TNFRSF21: variants seen among roughly 807,000 people sequenced by gnomAD.
TNFRSF21 encodes TNF receptor superfamily member 21.
A neutral mutation model predicts 45.6 loss-of-function variants in TNFRSF21; 19 were observed. The ratio of observed to expected loss-of-function variants is 0.42; its 90% CI spans 0.29 to 0.61. The LOEUF is 0.61. TNFRSF21 is among the 20% of genes least tolerant of loss of function. The probability of loss-of-function intolerance (pLI) is 0.23; values close to 1 mark genes in which losing one functional copy is unlikely to be tolerated. For missense variants in TNFRSF21, 737 were observed against 851.5 expected (o/e 0.87, Z 1.67); for synonymous variants, 314 against 335.5 (o/e 0.94, Z 0.70).
chr6:47,266,779 G>A (rs190740006), intron 3 of TNFRSF21, among the ~76,000 whole-genome samples: 1 of 152,322 alleles, frequency 6.6e-6, no homozygotes, highest in Admixed American at 6.5e-5. Context: ...GATGAAAAGA[G>A]ACATTATAAA....
At chr6:47,256,388 G>A (rs1166160633) in intron 3 of TNFRSF21, among the ~76,000 whole-genome samples, 1 of 152,208 alleles carries the variant, frequency 6.6e-6, no homozygotes, top group Non-Finnish European at 1.5e-5. Flanking sequence ...GCTGGGTGTG[G>A]TGGCATAGGC....
intron 3 of TNFRSF21, among the ~76,000 whole-genome samples, chr6:47,282,412 CAG>C (rs976263989): frequency 3.3e-5 from 5 of 149,932 alleles, no homozygotes; most frequent in African/African-American, 1.2e-4. Context: ...AAAAAACCCT[CAG>C]AAAGTTTATG....
At chr6:47,307,652 G>C (rs137952832) in intron 1 of TNFRSF21, among the ~76,000 whole-genome samples, 36 of 152,284 alleles carry the variant, frequency 2.4e-4, no homozygotes, top group Non-Finnish European at 4.6e-4. Flanking sequence ...GGGATTACAG[G>C]CATAAGCCAG....
At chr6:47,279,048 T>G (rs780928923) in intron 3 of TNFRSF21, among the ~76,000 whole-genome samples, 1 of 152,200 alleles carries the variant, frequency 6.6e-6, no homozygotes, top group Non-Finnish European at 1.5e-5. Context: ...GGAAATATGA[T>G]CCAAGCCAGA....
intron 3 of TNFRSF21, among the ~76,000 whole-genome samples, chr6:47,269,131 C>G (rs528593329): frequency 1.1e-4 from 17 of 152,116 alleles, no homozygotes; most frequent in Non-Finnish European, 2.4e-4. Flanking sequence ...TGTGCCTCAG[C>G]TTCATCTTCT....
chr6:47,235,606 C>T (rs1363417305), intron 4 of TNFRSF21, among the ~76,000 whole-genome samples: 1 of 152,196 alleles, frequency 6.6e-6, no homozygotes, highest in Non-Finnish European at 1.5e-5. Context: ...CTGACTCTTA[C>T]ACTCAGCTTC....
rs368982565 is a variant in TNFRSF21 at position 47,253,412 on chromosome 6, C to T, written c.1353G>A (p.Gly451=). 5 of 1,614,154 alleles carry T rather than the reference C, an allele frequency of 3.1e-6. No homozygotes were observed. The South Asian group carries it at 5.5e-5, about 18-fold the overall frequency. Residue 451 remains glycine, a synonymous_variant, in exon 4 of 6, where the codon GGG becomes GGA. Coordinates refer to ENST00000296861, the MANE Select transcript of TNFRSF21 (RefSeq NM_014452.5). ...SEREVAAFSN[G]YTADHERAYA... ...AGGCCCGCTCGTGGTCGGCTGTGTA[C>T]CCATTGGAGAAAGCAGCAACCTCCC...
chr6:47,274,824 C>T (rs1320648308), intron 3 of TNFRSF21, among the ~76,000 whole-genome samples: 2 of 152,096 alleles, frequency 1.3e-5, no homozygotes, highest in Non-Finnish European at 1.5e-5. Context: ...AAAAAGTGGG[C>T]AAAGGATATG....
intron 4 of TNFRSF21, among the ~76,000 whole-genome samples, chr6:47,243,528 G>C (rs530720356): frequency 6.6e-6 from 1 of 151,680 alleles, no homozygotes; most frequent in Non-Finnish European, 1.5e-5. Flanking sequence ...ATTGATTTTC[G>C]TGCCTTAGCC....
intron 1 of TNFRSF21, 87 bp downstream of exon 1, chr6:47,309,329 C>T (rs1762983307): frequency 6.8e-7 from 1 of 1,460,154 alleles, no homozygotes; most frequent in Admixed American, 2.4e-5. Context: ...CCTCCCTAAG[C>T]CCCGGCCCGG....
At chr6:47,256,646 G>A (rs1181124107) in intron 3 of TNFRSF21, among the ~76,000 whole-genome samples, 2 of 152,170 alleles carry the variant, frequency 1.3e-5, no homozygotes, top group African/African-American at 4.8e-5. Flanking sequence ...TCAGTTTTCC[G>A]AGCAATGTTT....
chr6:47,304,980 A>C (rs986397867), intron 1 of TNFRSF21, among the ~76,000 whole-genome samples: 13 of 152,174 alleles, frequency 8.5e-5, no homozygotes, highest in Admixed American at 7.2e-4. Flanking sequence ...TCTGATTAGA[A>C]GTTGCTTTCT....
chr6:47,242,246 C>G (rs191004035), intron 4 of TNFRSF21, among the ~76,000 whole-genome samples: 2 of 152,188 alleles, frequency 1.3e-5, no homozygotes, highest in Admixed American at 1.3e-4. Context: ...CCCACTCACC[C>G]CAGATCTGTT....
At chr6:47,255,580 C>T (rs139521983) in intron 3 of TNFRSF21, among the ~76,000 whole-genome samples, 3,327 of 152,050 alleles carry the variant, frequency 0.022, 56 homozygotes, top group Middle Eastern at 0.055. Context: ...TCCTGCCTCA[C>T]CCTCCCAAGT....
At chr6:47,292,448 T>TTTGG (rs1762741913) in intron 1 of TNFRSF21, among the ~76,000 whole-genome samples, 1 of 152,130 alleles carries the variant, frequency 6.6e-6, no homozygotes, top group Non-Finnish European at 1.5e-5. Flanking sequence ...CAGGAATTTA[T>TTTGG]TTGGTTTTAG....
chr6:47,273,102 C>T (rs1258488782), intron 3 of TNFRSF21, among the ~76,000 whole-genome samples: 1 of 152,172 alleles, frequency 6.6e-6, no homozygotes, highest in Non-Finnish European at 1.5e-5. Context: ...GGAGCTGGTA[C>T]CATTCCTTCT....
Position 47,284,157 on chromosome 6 carries a change from T to C in TNFRSF21, c.1024A>G (p.Lys342Glu). ...AAATGCTCATTGATGTCAAAATGCTTGTGTAGGTTCTGTCTAGGATGTCCC... is the reference window on the plus strand; with the variant it reads ...AAATGCTCATTGATGTCAAAATGCTCGTGTAGGTTCTGTCTAGGATGTCCC... ...KRGHPRQNLHKHFDINEHLPW... is the reference protein window; with the variant it reads ...KRGHPRQNLHEHFDINEHLPW... Residue 342 changes from lysine to glutamate, a missense_variant, in exon 3 of 6, where the codon AAG (lysine) becomes GAG (glutamate). Coordinates refer to ENST00000296861, the MANE Select transcript of TNFRSF21 (RefSeq NM_014452.5). 1 of 1,614,178 alleles carries C rather than the reference T, an allele frequency of 6.2e-7. No individual in the cohort carries two copies. Among genetic ancestry groups the C allele is most frequent in the Non-Finnish European group, 8.5e-7 (1 of 1,180,034 alleles).
At chr6:47,306,943 T>G (rs57860152) in intron 1 of TNFRSF21, among the ~76,000 whole-genome samples, 2,170 of 152,294 alleles carry the variant, frequency 0.014, 40 homozygotes, top group African/African-American at 0.05. Context: ...GTACCTGATG[T>G]CCGTTATGTT....
chr6:47,296,740 G>A (rs1762795336), intron 1 of TNFRSF21, among the ~76,000 whole-genome samples: 1 of 152,290 alleles, frequency 6.6e-6, no homozygotes, highest in Admixed American at 6.5e-5. Context: ...GATGGGGATG[G>A]GCATGGAAGC....
Sources: allele counts gnomAD v4.1 joint callset (sites outside exome capture counted in the v4.1 genomes callset), GRCh38; gene constraint gnomAD v4.1.1; transcripts MANE v1.5; gene names NCBI Gene and HGNC (gene_info 2026-07-23, HGNC 2026-07-21).